COL8A1: variants seen among roughly 807,000 people sequenced by gnomAD.
COL8A1 encodes collagen type VIII alpha 1 chain, also known as collagen alpha-1(VIII) chain.
Under a neutral mutation model 42.7 loss-of-function variants are expected in COL8A1, and 21 were observed. That is an observed-to-expected ratio of 0.49 (90% CI 0.35 to 0.71). The LOEUF is 0.71. Ranked by LOEUF, COL8A1 falls within the 30% of genes least tolerant of loss-of-function variation. COL8A1 has a pLI of 0.01. For synonymous variants in COL8A1, 367 were observed against 369.1 expected (o/e 0.99, Z 0.06); for missense variants, 788 against 962.4 (o/e 0.82, Z 2.40).
At chr3:99,708,659 A>G (rs909570547) in intron 1 of COL8A1, among the ~76,000 whole-genome samples, 1 of 152,106 alleles carries the variant, frequency 6.6e-6, no homozygotes, top group African/African-American at 2.4e-5. Flanking sequence ...TTTACATGTT[A>G]GTTGATCTCT....
chr3:99,733,871 G>T (rs1940609569), intron 1 of COL8A1, among the ~76,000 whole-genome samples: 1 of 152,060 alleles, frequency 6.6e-6, no homozygotes, highest in South Asian at 2.1e-4. Flanking sequence ...TCTCAATGTG[G>T]TTTTGATTTG....
intron 1 of COL8A1, among the ~76,000 whole-genome samples, chr3:99,661,236 T>A (rs186469347): frequency 1.3e-5 from 2 of 152,284 alleles, no homozygotes; most frequent in African/African-American, 2.4e-5. Flanking sequence ...GAATATTTTT[T>A]AAAAACTCCT....
chr3:99,794,930 A>G lies in COL8A1; in HGVS notation c.1029A>G (p.Gly343=). 1 of 1,593,906 alleles carries G rather than the reference A, an allele frequency of 6.3e-7. No homozygotes were observed. The highest frequency in any genetic ancestry group is 8.5e-7 in the Non-Finnish European group (1 of 1,170,744). ...AGCAAGGACTGCCAGGGCTACCAGG[A>G]CCCCCAGGCCTTCCAGGGATTGGGA... The part of the protein sequence containing the change: ...KGEQGLPGLP[G]PPGLPGIGKP... Residue 343 remains glycine, a synonymous_variant, in exon 4 of 4, where the codon GGA becomes GGG. Transcript: ENST00000652472. The surrounding 1 kb of genome is among the most constrained non-coding windows in gnomAD (Gnocchi z 4.3).
chr3:99,686,210 C>G (rs955330501), intron 1 of COL8A1, among the ~76,000 whole-genome samples: 3 of 152,184 alleles, frequency 2.0e-5, no homozygotes, highest in African/African-American at 7.2e-5. Flanking sequence ...CCATTAGTTA[C>G]ATTTTTTACC....
chr3:99,662,242 C>T (rs1183232467), intron 1 of COL8A1, among the ~76,000 whole-genome samples: 3 of 151,926 alleles, frequency 2.0e-5, no homozygotes, highest in Non-Finnish European at 2.9e-5. Context: ...ATTAGCCAGG[C>T]GTGGTGGTGA....
intron 1 of COL8A1, among the ~76,000 whole-genome samples, chr3:99,690,508 G>A (rs1939185078): frequency 6.6e-6 from 1 of 152,094 alleles, no homozygotes; most frequent in Non-Finnish European, 1.5e-5. Flanking sequence ...AGTCCCTAGA[G>A]GTACAGGCTC....
chr3:99,740,749 T>C (rs923734858), intron 1 of COL8A1, among the ~76,000 whole-genome samples: 13 of 152,128 alleles, frequency 8.5e-5, no homozygotes, highest in Non-Finnish European at 2.9e-5. Context: ...GATTCAAAGC[T>C]CAGTCTATGT....
chr3:99,644,106 T>C (rs920632029), intron 1 of COL8A1, among the ~76,000 whole-genome samples: 9 of 151,874 alleles, frequency 5.9e-5, no homozygotes, highest in African/African-American at 1.9e-4. Flanking sequence ...TCTCCAAGAG[T>C]TTTGAAATGC....
chr3:99,755,970 C>CT (rs1206036738), intron 2 of COL8A1, among the ~76,000 whole-genome samples: 2 of 152,100 alleles, frequency 1.3e-5, no homozygotes, highest in Non-Finnish European at 2.9e-5. Flanking sequence ...TCTGGTTTCT[C>CT]TGAGGAGATT....
intron 2 of COL8A1, among the ~76,000 whole-genome samples, chr3:99,763,760 A>C (rs1479337677): frequency 6.6e-6 from 1 of 152,184 alleles, no homozygotes; most frequent in East Asian, 1.9e-4. Context: ...TCTACCACCC[A>C]AGGACTAGCC....
Position 99,736,228 on chromosome 3 carries a change from C to T in COL8A1, c.-128-8669C>T, listed in dbSNP as rs1460041279. Among the ~76,000 whole-genome samples, 5 of 151,942 alleles carry T rather than the reference C, an allele frequency of 3.3e-5. No individual in the cohort carries two copies. In the East Asian group the frequency reaches 5.8e-4, roughly 18 times the overall value. On this transcript the variant is annotated intron_variant, in intron 1 of 3. Transcript: ENST00000652472. The stretch of plus-strand genomic sequence containing the variant: ...GTGTTTGCTCTTGCTTTTCTAGTTC[C>T]TTTAATTGTGATGTTAGGGTGTCAA...
At chr3:99,666,896 T>C (rs1228460225) in intron 1 of COL8A1, among the ~76,000 whole-genome samples, 1 of 152,224 alleles carries the variant, frequency 6.6e-6, no homozygotes, top group Non-Finnish European at 1.5e-5. Flanking sequence ...CTCTAGTCTT[T>C]ATTTTCCTTT....
rs186890090 is a variant in COL8A1, at chr3:99,797,817, C to T, written c.*1681C>T. 2.6e-5 allele frequency: 4 copies of T among 152,260 alleles called. No homozygotes were observed. The highest frequency in any genetic ancestry group is 6.5e-5 in the Admixed American group (1 of 15,292). 9.4% of individuals were successfully genotyped at this position (152,260 alleles called of 1,614,324 possible). A position where few individuals can be genotyped will look rare whatever the true frequency, so the allele number is the denominator to read the frequency against. The stretch of plus-strand genomic sequence containing the variant: ...TTTTAATGTCATCCTGTACTCGGCA[C>T]AAATCAAAGGCCAATACAAGTCTGA... On this transcript the variant is annotated 3_prime_UTR_variant, in exon 4 of 4. Transcript: ENST00000652472.
chr3:99,716,612 G>A (rs1940003286), intron 1 of COL8A1, among the ~76,000 whole-genome samples: 1 of 151,930 alleles, frequency 6.6e-6, no homozygotes, highest in Non-Finnish European at 1.5e-5. Context: ...AACGTAGTAG[G>A]TGTCCTTCCT....
Position 99,795,296 on chromosome 3 carries a change from G to C in COL8A1, c.1395G>C (p.Gly465=). 3 of 1,610,468 alleles carry C rather than the reference G, an allele frequency of 1.9e-6. No homozygotes were observed. Among genetic ancestry groups the C allele is most frequent in the Non-Finnish European group, 2.5e-6 (3 of 1,178,372 alleles). The change falls in exon 4 of 4, where the codon GGG becomes GGC. Residue 465 remains glycine (G), a synonymous_variant. Transcript: ENST00000652472. ...CCATAGGGCCCAAGGGGGAAGCTGG[G>C]CAAAAAGGTGTACCAGGACTCCCTG... ...PGPIGPKGEA[G]QKGVPGLPGV...
At chr3:99,742,306 T>A (rs1052161116) in intron 1 of COL8A1, among the ~76,000 whole-genome samples, 2 of 152,164 alleles carry the variant, frequency 1.3e-5, no homozygotes, top group Admixed American at 6.5e-5. Context: ...AAAAAACAAA[T>A]CTAACTAAAT....
At chr3:99,709,880 T>G (rs1939787378) in intron 1 of COL8A1, among the ~76,000 whole-genome samples, 1 of 152,196 alleles carries the variant, frequency 6.6e-6, no homozygotes, top group Non-Finnish European at 1.5e-5. Context: ...TAAAGAGAGA[T>G]AGTGACGCAT....
At chr3:99,783,085 T>C (rs1055237874) in intron 2 of COL8A1, among the ~76,000 whole-genome samples, 5 of 152,164 alleles carry the variant, frequency 3.3e-5, no homozygotes, top group African/African-American at 4.8e-5. Flanking sequence ...CCCAACTCCT[T>C]TGAGAGTGGA....
chr3:99,733,876 G>C (rs1240368783), intron 1 of COL8A1, among the ~76,000 whole-genome samples: 1 of 152,044 alleles, frequency 6.6e-6, no homozygotes, highest in Admixed American at 6.5e-5. Flanking sequence ...ATGTGGTTTT[G>C]ATTTGCATTT....
Sources: allele counts gnomAD v4.1 joint callset (sites outside exome capture counted in the v4.1 genomes callset), GRCh38; gene constraint gnomAD v4.1.1; non-coding constraint Gnocchi (gnomAD v3.1); transcripts MANE v1.5; gene names NCBI Gene and HGNC (gene_info 2026-07-23, HGNC 2026-07-21).